The following CAMK1D variants were observed in gnomAD, a reference collection of about 807,000 sequenced individuals.
CAMK1D encodes the protein calcium/calmodulin-dependent protein kinase type 1D.
Under a neutral mutation model 47.7 loss-of-function variants are expected in CAMK1D, and 9 were observed. The observed-to-expected ratio is 0.19, with a 90% CI of 0.11 to 0.33. The LOEUF (loss-of-function observed/expected upper bound fraction) is 0.33, where lower values mean the gene tolerates loss of function less well. Ranked by LOEUF, CAMK1D falls within the 10% of genes least tolerant of loss-of-function variation. The pLI, the probability that CAMK1D is intolerant of heterozygous loss-of-function variation, is 1.00. For synonymous variants in CAMK1D, 184 were observed against 184.9 expected (o/e 0.99, Z 0.04); for missense variants, 291 against 488.7 (o/e 0.60, Z 3.81).
intron 5 of CAMK1D, among the ~76,000 whole-genome samples, chr10:12,782,630 C>T (rs1230566251): frequency 6.6e-6 from 1 of 152,160 alleles, no homozygotes; most frequent in African/African-American, 2.4e-5. Flanking sequence ...GTTCCTTCCC[C>T]CACCAGCAGG....
chr10:12,736,884 T>G (rs1243173925), intron 3 of CAMK1D, among the ~76,000 whole-genome samples: 1 of 152,202 alleles, frequency 6.6e-6, no homozygotes, highest in African/African-American at 2.4e-5. Context: ...TCCCGATCAC[T>G]CTCTGGCTTT....
At chr10:12,811,591 GA>G (rs1832608629) in intron 6 of CAMK1D, among the ~76,000 whole-genome samples, 1 of 152,028 alleles carries the variant, frequency 6.6e-6, no homozygotes. Flanking sequence ...AACACGGAAA[GA>G]AAAAAGAGCT....
intron 2 of CAMK1D, among the ~76,000 whole-genome samples, chr10:12,606,874 C>T (rs1838476918): frequency 6.6e-6 from 1 of 152,042 alleles, no homozygotes; most frequent in South Asian, 2.1e-4. Flanking sequence ...TGTCACCGGG[C>T]TGGAGTGCCG....
At chr10:12,543,814 A>G (rs1232429411) in intron 1 of CAMK1D, among the ~76,000 whole-genome samples, 2 of 152,170 alleles carry the variant, frequency 1.3e-5, no homozygotes, top group African/African-American at 4.8e-5. Context: ...CTTGGAGAGG[A>G]CTGAGAGAGG....
chr10:12,358,199 T>A (rs1389136825), intron 1 of CAMK1D, among the ~76,000 whole-genome samples: 1 of 152,094 alleles, frequency 6.6e-6, no homozygotes, highest in African/African-American at 2.4e-5. Context: ...CACCCCAGCC[T>A]GGGTGACAGA....
At chr10:12,363,665 G>GTT (rs1165886868) in intron 1 of CAMK1D, among the ~76,000 whole-genome samples, 149 of 117,032 alleles carry the variant, frequency 1.3e-3, no homozygotes, top group Middle Eastern at 5.1e-3. Flanking sequence ...GTTTCCTAAG[G>GTT]TTTTTTTTTT....
chr10:12,774,984 G>C (rs1042811186), intron 5 of CAMK1D, among the ~76,000 whole-genome samples: 2 of 152,252 alleles, frequency 1.3e-5, no homozygotes, highest in Non-Finnish European at 2.9e-5. Context: ...AGATGGTGGG[G>C]GTAGGGTGGA....
chr10:12,779,632 T>TACAC, intron 5 of CAMK1D, among the ~76,000 whole-genome samples: 1 of 152,160 alleles, frequency 6.6e-6, no homozygotes, highest in Admixed American at 6.5e-5. Flanking sequence ...GGTCTCACTT[T>TACAC]GTTGCTCAGG....
chr10:12,531,005 C>T (rs1835787407), intron 1 of CAMK1D, among the ~76,000 whole-genome samples: 1 of 151,078 alleles, frequency 6.6e-6, no homozygotes, highest in Non-Finnish European at 1.5e-5. Context: ...TTGCAGTGAG[C>T]CAAGATTGTG....
At chr10:12,653,068 C>G (rs1305961074) in intron 2 of CAMK1D, 1 of 153,998 alleles carries the variant, frequency 6.5e-6, no homozygotes, top group Admixed American at 6.5e-5. Context: ...CTAGTGAGAA[C>G]CTTCTTGCTG....
At chr10:12,761,496 G>A (rs966260355) in intron 4 of CAMK1D, among the ~76,000 whole-genome samples, 1 of 152,120 alleles carries the variant, frequency 6.6e-6, no homozygotes, top group African/African-American at 2.4e-5. Flanking sequence ...AAGAAAGAGA[G>A]CAGTGGTCAG....
chr10:12,505,230 T>C (rs934352489), intron 1 of CAMK1D, among the ~76,000 whole-genome samples: 1 of 152,192 alleles, frequency 6.6e-6, no homozygotes, highest in Admixed American at 6.5e-5. Flanking sequence ...GGAGGCCACG[T>C]TGGCCATGTG....
chr10:12,616,863 G>C (rs1171301701), intron 2 of CAMK1D, among the ~76,000 whole-genome samples: 1 of 152,156 alleles, frequency 6.6e-6, no homozygotes. Flanking sequence ...GGCAGGGCGG[G>C]AACCGAGGTG....
chr10:12,636,502 A>G (rs1839515290), intron 2 of CAMK1D, among the ~76,000 whole-genome samples: 1 of 151,856 alleles, frequency 6.6e-6, no homozygotes, highest in South Asian at 2.1e-4. Flanking sequence ...TATTTTTTGT[A>G]TTTTTTGTAG....
chr10:12,779,735 AT>A (rs199652393), intron 5 of CAMK1D, among the ~76,000 whole-genome samples: 27 of 150,842 alleles, frequency 1.8e-4, no homozygotes, highest in African/African-American at 5.8e-4. Context: ...CTAGTTGAGA[AT>A]TTTTTTTTTG....
rs1470192821 is a variant in CAMK1D, at chr10:12,641,782, C to T, written c.225-24954C>T. 5.3e-5 allele frequency among the ~76,000 whole-genome samples: 8 copies of T among 152,006 alleles called. No homozygotes were observed. In the East Asian group the frequency reaches 7.7e-4, roughly 15 times the overall value. ...CGCAGTGGGCAGGTGCAGTGGCTCA[C>T]GCATGTAATCCCAAAACTTTGGGAG... On this transcript the variant is annotated intron_variant, in intron 2 of 10. Transcript: ENST00000619168.
At chr10:12,781,649 CTTTTTT>C (rs145484733) in intron 5 of CAMK1D, among the ~76,000 whole-genome samples, 5 of 137,162 alleles carry the variant, frequency 3.6e-5, no homozygotes, top group Admixed American at 7.4e-5. Flanking sequence ...TTTGGCGATA[CTTTTTT>C]TTTTTTTTTT....
intron 1 of CAMK1D, among the ~76,000 whole-genome samples, chr10:12,378,172 G>C (rs927940782): frequency 6.6e-6 from 1 of 152,238 alleles, no homozygotes; most frequent in African/African-American, 2.4e-5. Flanking sequence ...CTGCCCAGGG[G>C]CCCATGTGCA....
chr10:12,446,283 A>G (rs1258373724), intron 1 of CAMK1D, among the ~76,000 whole-genome samples: 3 of 152,124 alleles, frequency 2.0e-5, no homozygotes, highest in African/African-American at 7.2e-5. Context: ...TTTTATGGTT[A>G]TTTCTTGATG....
Sources: allele counts gnomAD v4.1 joint callset (sites outside exome capture counted in the v4.1 genomes callset), GRCh38; gene constraint gnomAD v4.1.1; transcripts MANE v1.5; gene names NCBI Gene and HGNC (gene_info 2026-07-23, HGNC 2026-07-21).